GRIK4: variants seen among roughly 807,000 people sequenced by gnomAD.
GRIK4 encodes glutamate receptor ionotropic, kainate 4.
GRIK4 carries 40 observed loss-of-function variants against 104.9 expected under a neutral mutation model. The observed-to-expected ratio is 0.38, with a 90% CI of 0.30 to 0.50. GRIK4 has a LOEUF of 0.50. Ranked by LOEUF, GRIK4 falls within the 20% of genes least tolerant of loss-of-function variation. The pLI, the probability that GRIK4 is intolerant of heterozygous loss-of-function variation, is 0.93. For synonymous variants in GRIK4, 485 were observed against 524.9 expected (o/e 0.92, Z 1.04); for missense variants, 1,047 against 1,308.1 (o/e 0.80, Z 3.08).
intron 1 of GRIK4, among the ~76,000 whole-genome samples, chr11:120,519,996 G>A (rs542753838): frequency 6.6e-5 from 10 of 151,360 alleles, no homozygotes; most frequent in Admixed American, 1.3e-4. Flanking sequence ...GGGTTCAAGC[G>A]ATTCTACTGC....
chr11:120,944,260 C>A (rs1367673919), intron 14 of GRIK4, among the ~76,000 whole-genome samples: 1 of 146,470 alleles, frequency 6.8e-6, no homozygotes, highest in African/African-American at 2.5e-5. Context: ...CTTAAATGTC[C>A]ATGGTCCTTT....
intron 8 of GRIK4, among the ~76,000 whole-genome samples, chr11:120,843,638 A>T (rs1011919740): frequency 6.6e-6 from 1 of 152,218 alleles, no homozygotes; most frequent in Non-Finnish European, 1.5e-5. Context: ...GAGATGAGCA[A>T]GTTGAGACCC....
At chr11:120,720,899 A>C (rs780246391) in intron 3 of GRIK4, among the ~76,000 whole-genome samples, 8 of 152,118 alleles carry the variant, frequency 5.3e-5, no homozygotes, top group Non-Finnish European at 1.0e-4. Context: ...AGAGAGATGA[A>C]TGCAAAGACA....
rs1045595964 is a variant in GRIK4 at position 120,653,752 on chromosome 11, C to A, written c.-91C>A. Reference sequence around the variant, plus strand: ...GCACTGAGGACACAGGTGGAAAAGCCCGAATTGCTCCCTGCTCTCCTGGCG... The same window carrying A: ...GCACTGAGGACACAGGTGGAAAAGCACGAATTGCTCCCTGCTCTCCTGGCG... On this transcript the variant is annotated 5_prime_UTR_variant, in exon 2 of 21. Transcript: ENST00000527524. 6.6e-6 allele frequency: 1 copy of A among 152,218 alleles called. No homozygotes were observed. The highest frequency in any genetic ancestry group is 1.5e-5 in the Non-Finnish European group (1 of 68,070). 9.4% of individuals were successfully genotyped at this position (152,218 alleles called of 1,614,324 possible).
chr11:120,981,331 C>A (rs1944648650), intron 19 of GRIK4, among the ~76,000 whole-genome samples: 1 of 152,160 alleles, frequency 6.6e-6, no homozygotes. Flanking sequence ...AGGACATGAC[C>A]AGAAACAATG....
rs535712496 is a variant in GRIK4 at position 120,902,282 on chromosome 11, G to A, written c.1273-3008G>A. The stretch of plus-strand genomic sequence containing the variant: ...CAGCGGTTTGCCACATTCTCACCTC[G>A]CGTTCACAGCACCCCTGCTCCAGGC... On this transcript the variant is annotated intron_variant, in intron 12 of 20. Coordinates refer to ENST00000527524, the MANE Select transcript of GRIK4 (RefSeq NM_014619.5). This position sits in a 1 kb window ranked among gnomAD's most constrained non-coding sequence, Gnocchi z 4.5. Among the ~76,000 whole-genome samples the A allele has an allele frequency of 5.3e-5, 8 of 152,146 alleles. No individual in the cohort carries two copies. The highest frequency in any genetic ancestry group is 2.1e-4 in the South Asian group (1 of 4,810).
chr11:120,638,967 C>T (rs992115912), intron 1 of GRIK4, among the ~76,000 whole-genome samples: 1 of 151,968 alleles, frequency 6.6e-6, no homozygotes, highest in Non-Finnish European at 1.5e-5. Flanking sequence ...GAGGCCAAGG[C>T]GGGCTGATCA....
At chr11:120,698,032 A>AG (rs1412838082) in intron 3 of GRIK4, among the ~76,000 whole-genome samples, 1 of 152,076 alleles carries the variant, frequency 6.6e-6, no homozygotes, top group Non-Finnish European at 1.5e-5. Flanking sequence ...ACATCAAGGC[A>AG]GGGGGGCAGT....
chr11:120,836,818 T>C lies in GRIK4; in HGVS notation c.718T>C (p.Tyr240His). The C allele has an allele frequency of 6.2e-7, 1 of 1,603,952 alleles. No individual in the cohort carries two copies. The highest frequency in any genetic ancestry group is 2.2e-5 in the East Asian group (1 of 44,864). Residue 240 changes from tyrosine (Y) to histidine (H), a missense_variant, in exon 8 of 21, where the codon TAT becomes CAT. By Grantham distance (83) the Tyr-to-His change is moderately conservative (BLOSUM62 2). Around this residue, in one of 3 missense-constraint regions of GRIK4, gnomAD observed 447 missense variants for 514.9 expected, o/e 0.87. Coordinates refer to ENST00000527524, the MANE Select transcript of GRIK4 (RefSeq NM_014619.5). ...KAAELGMVSA[Y>H]YTYIFTNLEF... is the part of the protein sequence containing the mutation. ...AGCCGAACTTGGGATGGTGTCAGCC[T>C]ATTACACATACATCTTCACTAATCT...
At chr11:120,546,474 G>A (rs551471763) in intron 1 of GRIK4, among the ~76,000 whole-genome samples, 13 of 152,316 alleles carry the variant, frequency 8.5e-5, no homozygotes, top group Non-Finnish European at 1.3e-4. Context: ...GGGCTAGGGC[G>A]ACATGGTTTC....
At chr11:120,948,361 G>A (rs943247496) in intron 14 of GRIK4, among the ~76,000 whole-genome samples, 8 of 152,180 alleles carry the variant, frequency 5.3e-5, no homozygotes, top group Admixed American at 2.6e-4. Flanking sequence ...AAGAGAGCTC[G>A]TATCATGCAT....
In GRIK4 at chr11:120,623,428, C is replaced by T. The variant is rs544504214; in HGVS notation, c.-158-30257C>T. 4.6e-5 allele frequency among the ~76,000 whole-genome samples: 7 copies of T among 152,218 alleles called. No individual in the cohort carries two copies. The South Asian group carries it at 8.3e-4, about 18-fold the overall frequency. ...GATTACAGGTGTGAACCACCGCACC[C>T]GGCCCCCTGTACTCTTTAGGTGTGA... is the stretch of plus-strand genomic sequence containing the variant. On this transcript the variant is annotated intron_variant, in intron 1 of 20. Coordinates refer to ENST00000527524, the MANE Select transcript of GRIK4 (RefSeq NM_014619.5).
At chr11:120,592,476 G>C (rs1046213338) in intron 1 of GRIK4, among the ~76,000 whole-genome samples, 1 of 152,196 alleles carries the variant, frequency 6.6e-6, no homozygotes, top group African/African-American at 2.4e-5. Flanking sequence ...CCTCTGCTCG[G>C]TACTGCATTC....
At chr11:120,826,720 C>T (rs968815022) in intron 6 of GRIK4, among the ~76,000 whole-genome samples, 2 of 152,232 alleles carry the variant, frequency 1.3e-5, no homozygotes, top group African/African-American at 4.8e-5. Context: ...CCTCAGCTGG[C>T]TCCTCTCTCC....
At chr11:120,982,542 G>T (rs927081067) in intron 20 of GRIK4, among the ~76,000 whole-genome samples, 1 of 152,046 alleles carries the variant, frequency 6.6e-6, no homozygotes, top group African/African-American at 2.4e-5. Context: ...GAGATATCCC[G>T]ACTCATGCGA....
At chr11:120,807,764 T>C (rs184505100) in intron 4 of GRIK4, among the ~76,000 whole-genome samples, 11 of 152,348 alleles carry the variant, frequency 7.2e-5, no homozygotes, top group Admixed American at 7.2e-4. Context: ...ATAGGCATGA[T>C]GTGGGCTCAG....
chr11:120,893,753 A>G (rs1425187091), intron 11 of GRIK4, among the ~76,000 whole-genome samples: 1 of 152,234 alleles, frequency 6.6e-6, no homozygotes, highest in East Asian at 1.9e-4. Context: ...GTGTGTTTAC[A>G]CCACAGAAAT....
intron 3 of GRIK4, 34 bp from the exon 4 acceptor site, chr11:120,802,659 T>C: frequency 1.3e-6 from 2 of 1,585,572 alleles, no homozygotes; most frequent in Non-Finnish European, 1.7e-6. Flanking sequence ...AGCGGTGGAG[T>C]ACCAATTGTC....
chr11:120,697,105 C>T (rs560233800), intron 3 of GRIK4, among the ~76,000 whole-genome samples: 24 of 152,302 alleles, frequency 1.6e-4, no homozygotes, highest in South Asian at 6.2e-4. Context: ...GCCTTCCTGA[C>T]GGTATCACTC....
Sources: gnomAD v4.1 joint callset for allele counts (sites outside exome capture counted in the v4.1 genomes callset) on GRCh38, gnomAD v4.1.1 for gene constraint, gnomAD v4.1.1 regional missense constraint, Gnocchi (gnomAD v3.1) non-coding constraint, MANE v1.5 for transcripts, NCBI Gene and HGNC (gene_info 2026-07-23, HGNC 2026-07-21) for gene names.